STXBP5L: variants seen among roughly 807,000 people sequenced by gnomAD.
The protein encoded by STXBP5L is syntaxin binding protein 5L.
A neutral mutation model predicts 144.5 loss-of-function variants in STXBP5L; 65 were observed. The ratio of observed to expected loss-of-function variants is 0.45; its 90% CI spans 0.37 to 0.55. The LOEUF is 0.55. STXBP5L is among the 20% of genes least tolerant of loss of function. The pLI, the probability that STXBP5L is intolerant of heterozygous loss-of-function variation, is 0.00. For missense variants in STXBP5L, 1,298 were observed against 1,405.5 expected, an observed-to-expected ratio of 0.92 and a Z score of 1.22; for synonymous variants, 505 against 469.6, an observed-to-expected ratio of 1.08 and a Z score of -0.97.
chr3:121,268,850 T>C (rs560423173), intron 18 of STXBP5L, among the ~76,000 whole-genome samples: 1 of 152,336 alleles, frequency 6.6e-6, no homozygotes, highest in East Asian at 1.9e-4. Context: ...TATTTCTAGC[T>C]TTTCCAAAAG....
intron 20 of STXBP5L, among the ~76,000 whole-genome samples, chr3:121,369,211 C>T (rs1223700061): frequency 6.6e-6 from 1 of 152,186 alleles, no homozygotes. Flanking sequence ...CCATCTAAGC[C>T]TTCCCCTGAA....
intron 12 of STXBP5L, among the ~76,000 whole-genome samples, chr3:121,234,971 C>G (rs1416812945): frequency 6.6e-6 from 1 of 151,494 alleles, no homozygotes; most frequent in African/African-American, 2.4e-5. Context: ...CTTTACCTTT[C>G]ATGCCCACTT....
At chr3:121,062,411 G>A (rs1384996648) in intron 5 of STXBP5L, among the ~76,000 whole-genome samples, 1 of 152,158 alleles carries the variant, frequency 6.6e-6, no homozygotes, top group Non-Finnish European at 1.5e-5. Context: ...CTTTCTCAGT[G>A]GCTGAAGGAA....
chr3:120,926,182 T>C (rs1292243553), intron 2 of STXBP5L, among the ~76,000 whole-genome samples: 2 of 152,152 alleles, frequency 1.3e-5, no homozygotes, highest in Non-Finnish European at 2.9e-5. Flanking sequence ...TGTTTTGTTT[T>C]TGTAAGTTAA....
intron 9 of STXBP5L, among the ~76,000 whole-genome samples, chr3:121,183,121 T>C (rs1050134459): frequency 2.0e-5 from 3 of 152,118 alleles, no homozygotes; most frequent in African/African-American, 7.2e-5. Context: ...ACTCACAAAA[T>C]TGGCATAGAA....
intron 3 of STXBP5L, among the ~76,000 whole-genome samples, chr3:121,021,757 G>A (rs1162156200): frequency 6.6e-6 from 1 of 152,110 alleles, no homozygotes; most frequent in African/African-American, 2.4e-5. Flanking sequence ...CTGGAATACA[G>A]CAAAGCTGAT....
chr3:121,107,991 C>T (rs927691619), intron 5 of STXBP5L, among the ~76,000 whole-genome samples: 3 of 152,112 alleles, frequency 2.0e-5, no homozygotes, highest in African/African-American at 7.2e-5. Flanking sequence ...AATGGGAGTT[C>T]ATTCATGATT....
At chr3:121,342,202 A>G (rs1228915465) in intron 20 of STXBP5L, among the ~76,000 whole-genome samples, 1 of 152,128 alleles carries the variant, frequency 6.6e-6, no homozygotes, top group African/African-American at 2.4e-5. Flanking sequence ...CTTGCTGTTC[A>G]AGGATCAACT....
At chr3:121,313,191 A>G (rs1168038330) in intron 19 of STXBP5L, among the ~76,000 whole-genome samples, 1 of 126,582 alleles carries the variant, frequency 7.9e-6, no homozygotes, top group East Asian at 2.8e-4. Flanking sequence ...CACCTCCCGG[A>G]CGGGGCGGCC....
intron 9 of STXBP5L, among the ~76,000 whole-genome samples, chr3:121,170,927 A>G (rs764014965): frequency 2.0e-5 from 3 of 152,250 alleles, no homozygotes; most frequent in Admixed American, 6.5e-5. Flanking sequence ...ATGAACATCA[A>G]TGCAAAAATC....
At chr3:121,349,580 G>T (rs1576248747) in intron 20 of STXBP5L, among the ~76,000 whole-genome samples, 1 of 152,010 alleles carries the variant, frequency 6.6e-6, no homozygotes, top group East Asian at 1.9e-4. Context: ...CATTATTATT[G>T]TGTGGGAGTC....
At chr3:121,352,545 C>T (rs145579272) in intron 20 of STXBP5L, among the ~76,000 whole-genome samples, 1 of 152,074 alleles carries the variant, frequency 6.6e-6, no homozygotes, top group African/African-American at 2.4e-5. Flanking sequence ...TATCCAGAGA[C>T]TTTGCTGAAG....
Position 121,394,644 on chromosome 3 carries a change from G to A in STXBP5L, c.2588-12599G>A, listed in dbSNP as rs560604694. On this transcript the variant is annotated intron_variant, in intron 22 of 26. Coordinates refer to ENST00000471454, the MANE Select transcript of STXBP5L (RefSeq NM_001308330.2). The stretch of plus-strand genomic sequence containing the variant: ...TTTTGAGACAGTGTCTCACTCTGTC[G>A]CCCAGGCTGGAGTGCAGTGGCACGA... Among the ~76,000 whole-genome samples the A allele has an allele frequency of 3.3e-3, 409 of 125,246 alleles. 4 individuals carry two copies. Among genetic ancestry groups the A allele is most frequent in the African/African-American group, 7.5e-3 (246 of 32,874 alleles). The allele number at this position is 125,246 out of a possible 152,430, so 82.2% of individuals were successfully genotyped here.
At chr3:121,101,839 G>A (rs889968820) in intron 5 of STXBP5L, among the ~76,000 whole-genome samples, 1 of 152,026 alleles carries the variant, frequency 6.6e-6, no homozygotes. Flanking sequence ...AAACCCTAAA[G>A]ACTCCACTGA....
chr3:121,005,116 A>T (rs1287141640), intron 3 of STXBP5L, among the ~76,000 whole-genome samples: 1 of 152,202 alleles, frequency 6.6e-6, no homozygotes, highest in Non-Finnish European at 1.5e-5. Context: ...GAATAGTTTC[A>T]GAAGGAATGT....
intron 19 of STXBP5L, chr3:121,282,174 A>T: frequency 1.8e-6 from 2 of 1,105,882 alleles, no homozygotes; most frequent in Non-Finnish European, 2.7e-6. Flanking sequence ...GCTGTTCTAG[A>T]TTCTGGTATG....
chr3:121,075,484 C>G (rs1189662160), intron 5 of STXBP5L, among the ~76,000 whole-genome samples: 1 of 152,184 alleles, frequency 6.6e-6, no homozygotes, highest in Admixed American at 6.5e-5. Context: ...ATCTTAGTAG[C>G]CACCTGTATA....
intron 19 of STXBP5L, among the ~76,000 whole-genome samples, chr3:121,316,209 G>C (rs1444879597): frequency 6.6e-6 from 1 of 152,048 alleles, no homozygotes; most frequent in Non-Finnish European, 1.5e-5. Flanking sequence ...TTAGGGTTTT[G>C]ACACGTTGTA....
rs566460498 is a variant in STXBP5L, at chr3:120,961,517, C to T, written c.287+6480C>T. 6.6e-5 allele frequency among the ~76,000 whole-genome samples: 10 copies of T among 152,202 alleles called. No homozygotes were observed. In the South Asian group the frequency reaches 8.3e-4, roughly 13 times the overall value. ...CAATTCCCCTCTATAAGTGAGAACA[C>T]GCAGTGTTTGGTTTTCTGTCCTTGC... On this transcript the variant is annotated intron_variant, in intron 3 of 26. Coordinates refer to ENST00000471454, the MANE Select transcript of STXBP5L (RefSeq NM_001308330.2).
Sources: gnomAD v4.1 joint callset for allele counts (sites outside exome capture counted in the v4.1 genomes callset) on GRCh38, gnomAD v4.1.1 for gene constraint, MANE v1.5 for transcripts, NCBI Gene and HGNC (gene_info 2026-07-23, HGNC 2026-07-21) for gene names.